UBR3: variants seen among roughly 807,000 people sequenced by gnomAD.
UBR3 encodes E3 ubiquitin-protein ligase UBR3.
A neutral mutation model predicts 243.2 loss-of-function variants in UBR3; 85 were observed. That is an observed-to-expected ratio of 0.35 (90% CI 0.29 to 0.42). UBR3 has a LOEUF of 0.42. UBR3 is among the 10% of genes least tolerant of loss of function. The probability of loss-of-function intolerance (pLI) is 1.00; values close to 1 mark genes in which losing one functional copy is unlikely to be tolerated. For missense variants in UBR3, 1,686 were observed against 2,300.8 expected, an observed-to-expected ratio of 0.73 and a Z score of 5.47; for synonymous variants, 748 against 799.8, an observed-to-expected ratio of 0.94 and a Z score of 1.09.
chr2:169,949,789 T>C lies in UBR3; in HGVS notation c.3269T>C (p.Leu1090Ser). 1 of 1,551,906 alleles carries C rather than the reference T, an allele frequency of 6.4e-7. No homozygotes were observed. The highest frequency in any genetic ancestry group is 8.7e-7 in the Non-Finnish European group (1 of 1,146,888). The change falls in exon 23 of 39, where the codon TTG becomes TCG. Residue 1090 changes from leucine to serine, a missense_variant. Around this residue, in one of 8 missense-constraint regions of UBR3, gnomAD observed 300 missense variants for 314.4 expected, o/e 0.95. Coordinates refer to ENST00000272793, the MANE Select transcript of UBR3 (RefSeq NM_172070.4). ...TAILEIKESILSLLIKLHHKL... is the reference protein window; with the variant it reads ...TAILEIKESISSLLIKLHHKL... Reference sequence around the variant, plus strand: ...ATTTTGGAAATTAAAGAAAGCATATTGTCTTTGCTAATTAAACTTCACCAC... The same window carrying C: ...ATTTTGGAAATTAAAGAAAGCATATCGTCTTTGCTAATTAAACTTCACCAC...
intron 27 of UBR3, 89 bp downstream of exon 27, chr2:170,001,503 A>C: frequency 1.3e-6 from 1 of 743,580 alleles, no homozygotes; most frequent in Non-Finnish European, 2.3e-6. Context: ...ATTCCAGCTC[A>C]TCTTTTTAGG....
chr2:169,913,059 A>G (rs1342105033), intron 10 of UBR3, among the ~76,000 whole-genome samples: 3 of 152,214 alleles, frequency 2.0e-5, no homozygotes, highest in Non-Finnish European at 4.4e-5. Flanking sequence ...TTGCCATTAT[A>G]GGCATGAGCC....
intron 16 of UBR3, 69 bp from the exon 17 acceptor site, chr2:169,927,251 T>G: frequency 7.4e-7 from 1 of 1,354,376 alleles, no homozygotes; most frequent in Non-Finnish European, 1.0e-6. Flanking sequence ...TAGTAAAAAG[T>G]GTGGTAAGTT....
At chr2:169,884,933 T>C (rs1050758090) in intron 5 of UBR3, among the ~76,000 whole-genome samples, 3 of 152,200 alleles carry the variant, frequency 2.0e-5, no homozygotes, top group Non-Finnish European at 4.4e-5. Flanking sequence ...ATAAGATAGA[T>C]GGAAAGAGGT....
At chr2:170,055,714 G>T in intron 33 of UBR3, 130 bp downstream of exon 33, 1 of 1,141,546 alleles carries the variant, frequency 8.8e-7, no homozygotes. Context: ...GCACCTACAG[G>T]CTAAAAAATG....
intron 1 of UBR3, among the ~76,000 whole-genome samples, chr2:169,831,129 T>TATATATATATATATATA (rs2081925483): frequency 8.4e-5 from 2 of 23,778 alleles, no homozygotes; most frequent in Admixed American, 8.0e-4. Flanking sequence ...ATATATATAT[T>TATATATATATATATATA]TTTTTTTTTT....
intron 30 of UBR3, among the ~76,000 whole-genome samples, chr2:170,023,395 G>A (rs1046365233): frequency 2.1e-5 from 3 of 143,650 alleles, no homozygotes; most frequent in Non-Finnish European, 4.5e-5. Context: ...ATTTAAGATA[G>A]AACCAATTTA....
At chr2:169,928,062 T>C (rs2085975896) in intron 17 of UBR3, among the ~76,000 whole-genome samples, 1 of 152,248 alleles carries the variant, frequency 6.6e-6, no homozygotes, top group Admixed American at 6.5e-5. Flanking sequence ...CTAAACTTTT[T>C]ATTTTGTGAA....
At position 169,926,068 on chromosome 2, in the gene UBR3, GGGGCT is replaced by G. The variant is rs200822992; in HGVS notation, c.2151+323_2151+327del. ...TAATTCCAGCAGGCTTTGAGGCATAGGGGCTGTATCTGGCTCTGCGGTACCTGGCC... is the reference window on the plus strand; with the variant it reads ...TAATTCCAGCAGGCTTTGAGGCATAGGTATCTGGCTCTGCGGTACCTGGCC... On this transcript the variant is annotated intron_variant, in intron 14 of 38. Coordinates refer to ENST00000272793, the MANE Select transcript of UBR3 (RefSeq NM_172070.4). 7.7e-3 allele frequency among the ~76,000 whole-genome samples: 1,177 copies of G among 152,310 alleles called. 11 individuals carry two copies. Among genetic ancestry groups the G allele is most frequent in the African/African-American group, 0.026 (1,063 of 41,554 alleles).
chr2:170,072,937 C>T (rs1472821510), intron 35 of UBR3, among the ~76,000 whole-genome samples: 1 of 152,142 alleles, frequency 6.6e-6, no homozygotes, highest in Non-Finnish European at 1.5e-5. Flanking sequence ...GATTACCTGG[C>T]TCCTAACAAT....
In UBR3 at chr2:170,044,408, CCAATTATCTCAT is replaced by C. The variant is rs2105434484; in HGVS notation, c.4660+3426_4660+3437del. ...TTTCAGGTTGAAAGACCTTTTTATG[CCAATTATCTCAT>C]CAGAAGCTCAAATTAAATATATTAA... is the stretch of plus-strand genomic sequence containing the variant. On this transcript the variant is annotated intron_variant, in intron 32 of 38. Transcript: ENST00000272793. Among the ~76,000 whole-genome samples, 2 of 152,086 alleles carry C rather than the reference CCAATTATCTCAT, an allele frequency of 1.3e-5. 1 individual carries two copies. Among genetic ancestry groups the C allele is most frequent in the South Asian group, 4.2e-4 (2 of 4,804 alleles).
chr2:169,872,601 T>C (rs2083470302), intron 2 of UBR3, among the ~76,000 whole-genome samples: 1 of 152,148 alleles, frequency 6.6e-6, no homozygotes, highest in Admixed American at 6.6e-5. Flanking sequence ...GGGTCATAAA[T>C]GTTTTTGATC....
intron 26 of UBR3, among the ~76,000 whole-genome samples, chr2:169,996,935 G>A (rs1257313981): frequency 2.6e-5 from 4 of 151,384 alleles, no homozygotes; most frequent in East Asian, 3.9e-4. Context: ...TCTTGACCTC[G>A]TGATCTGCCC....
rs919035973 is a variant in UBR3, at chr2:169,957,608, T to C, written c.3546-830T>C. On this transcript the variant is annotated intron_variant, in intron 23 of 38. Transcript: ENST00000272793. ...GGAAAGCATTAGGAGATATACCTAATGTAAATGACGAGTTAATGGGTGCAG... is the reference window on the plus strand; with the variant it reads ...GGAAAGCATTAGGAGATATACCTAACGTAAATGACGAGTTAATGGGTGCAG... Among the ~76,000 whole-genome samples the C allele has an allele frequency of 2.6e-5, 4 of 151,356 alleles. No individual in the cohort carries two copies. In the East Asian group the frequency reaches 7.8e-4, roughly 30 times the overall value.
At position 170,081,884 on chromosome 2, in the gene UBR3, C is replaced by A; in HGVS notation, c.*41C>A. On this transcript the variant is annotated 3_prime_UTR_variant, in exon 39 of 39. Coordinates refer to ENST00000272793, the MANE Select transcript of UBR3 (RefSeq NM_172070.4). ...TTGCATCGTATCATCATTTTCGCTA[C>A]GAATTTATTTTTCAACAATAAGCTT... is the stretch of plus-strand genomic sequence containing the variant. The A allele has an allele frequency of 1.5e-6, 2 of 1,329,378 alleles. No homozygotes were observed. The highest frequency in any genetic ancestry group is 2.0e-6 in the Non-Finnish European group (2 of 980,740). 82.3% of individuals were successfully genotyped at this position (1,329,378 alleles called of 1,614,324 possible).
rs529354050 is a variant in UBR3, at chr2:169,841,637, A to T, written c.545+13585A>T. ...GGCCCTGCACTCGGAGCAGCCAGCC[A>T]GCCCTGCTGGCCCCGGGCAATGGGG... On this transcript the variant is annotated intron_variant, in intron 1 of 38. Transcript: ENST00000272793. 5.2e-3 allele frequency among the ~76,000 whole-genome samples: 785 copies of T among 151,912 alleles called. 2 individuals carry two copies. Among genetic ancestry groups the T allele is most frequent in the Admixed American group, 0.013 (201 of 15,292 alleles).
At chr2:169,924,904 G>A (rs140571221) in intron 13 of UBR3, among the ~76,000 whole-genome samples, 142 of 152,242 alleles carry the variant, frequency 9.3e-4, no homozygotes, top group Non-Finnish European at 1.7e-3. Flanking sequence ...ATGGTGGCGT[G>A]CACCTGTAGT....
intron 1 of UBR3, among the ~76,000 whole-genome samples, chr2:169,830,932 T>C (rs1276154309): frequency 6.6e-6 from 1 of 151,498 alleles, no homozygotes; most frequent in Admixed American, 6.6e-5. Flanking sequence ...TCGCTTGTGA[T>C]GCTTCAGTGT....
At chr2:169,943,495 G>A (rs1271547984) in intron 20 of UBR3, among the ~76,000 whole-genome samples, 1 of 152,182 alleles carries the variant, frequency 6.6e-6, no homozygotes, top group Non-Finnish European at 1.5e-5. Flanking sequence ...CAGCTTCTCA[G>A]GAGGCCAAGG....
Sources: allele counts gnomAD v4.1 joint callset (sites outside exome capture counted in the v4.1 genomes callset), GRCh38; gene constraint gnomAD v4.1.1; regional missense constraint gnomAD v4.1.1; transcripts MANE v1.5; gene names NCBI Gene and HGNC (gene_info 2026-07-23, HGNC 2026-07-21).